Variants in ARMC2 observed in about 807,000 individuals in gnomAD.
The protein encoded by ARMC2 is armadillo repeat-containing protein 2.
A neutral mutation model predicts 90.3 loss-of-function variants in ARMC2; 67 were observed. The observed-to-expected ratio is 0.74, with a 90% CI of 0.61 to 0.91. The LOEUF (loss-of-function observed/expected upper bound fraction) is 0.91. Among genes scored for constraint, ARMC2 ranks in the 40% least tolerant of loss-of-function variants. The pLI, the probability that ARMC2 is intolerant of heterozygous loss-of-function variation, is 0.00. For synonymous variants in ARMC2, 393 were observed against 393.0 expected (o/e 1.00, Z 0.00); for missense variants, 920 against 1,030.9 (o/e 0.89, Z 1.47).
chr6:108,923,613 A>C (rs1583131662), intron 10 of ARMC2, among the ~76,000 whole-genome samples: 1 of 128,094 alleles, frequency 7.8e-6, no homozygotes, highest in Non-Finnish European at 1.7e-5. Context: ...TCTCCTCCCC[A>C]CACCCTTTTT....
chr6:109,028,553 A>G, the ARMC2 span, among the ~76,000 whole-genome samples: 1 of 152,196 alleles, frequency 6.6e-6, no homozygotes, highest in African/African-American at 2.4e-5. Context: ...TCTTTCTTCC[A>G]GAGACCAGTG....
At chr6:109,000,242 C>T in the ARMC2 span, 3 of 303,094 alleles carry the variant, frequency 9.9e-6, no homozygotes, top group Non-Finnish European at 1.8e-5. Flanking sequence ...AGGCATTTGT[C>T]AAAATGTGTA....
At chr6:108,992,775 T>C in the ARMC2 span, 63 of 1,528,974 alleles carry the variant, frequency 4.1e-5, no homozygotes, top group Non-Finnish European at 5.4e-5. Context: ...TGCATACAAG[T>C]TGCAATTTTA....
intron 4 of ARMC2, 120 bp downstream of exon 4, chr6:108,869,115 A>C: frequency 8.9e-7 from 1 of 1,121,324 alleles, no homozygotes; most frequent in Non-Finnish European, 1.2e-6. Flanking sequence ...AACTAAGATT[A>C]GTTAATATTG....
At chr6:108,995,736 A>G in the ARMC2 span, among the ~76,000 whole-genome samples, 2 of 152,162 alleles carry the variant, frequency 1.3e-5, no homozygotes, top group African/African-American at 4.8e-5. Flanking sequence ...GTGAGCTGTG[A>G]TTGTGCCACT....
At chr6:109,005,183 A>T in the ARMC2 span, among the ~76,000 whole-genome samples, 2 of 152,196 alleles carry the variant, frequency 1.3e-5, no homozygotes, top group Non-Finnish European at 2.9e-5. Flanking sequence ...TGTTCAATAG[A>T]AGGCTGTTTC....
chr6:109,008,477 CAA>C, the ARMC2 span, among the ~76,000 whole-genome samples: 1 of 152,176 alleles, frequency 6.6e-6, no homozygotes, highest in Non-Finnish European at 1.5e-5. Flanking sequence ...ACCTTCATGA[CAA>C]AGTGTCTTCA....
intron 13 of ARMC2, among the ~76,000 whole-genome samples, chr6:108,960,384 G>A (rs1197628070): frequency 6.6e-6 from 1 of 152,212 alleles, no homozygotes; most frequent in Non-Finnish European, 1.5e-5. Flanking sequence ...GGCCAGAAAT[G>A]TCAAGAGATG....
At chr6:108,875,825 T>C (rs1332538075) in intron 4 of ARMC2, among the ~76,000 whole-genome samples, 1 of 152,126 alleles carries the variant, frequency 6.6e-6, no homozygotes, top group Non-Finnish European at 1.5e-5. Flanking sequence ...GAGGAAGAGC[T>C]GCTGTTATGG....
At chr6:108,892,393 G>T (rs1771158876) in intron 5 of ARMC2, among the ~76,000 whole-genome samples, 1 of 152,012 alleles carries the variant, frequency 6.6e-6, no homozygotes, top group African/African-American at 2.4e-5. Flanking sequence ...ATATTAATTA[G>T]ACAATTTTTG....
chr6:108,875,197 T>A (rs1338362062), intron 4 of ARMC2, among the ~76,000 whole-genome samples: 1 of 152,182 alleles, frequency 6.6e-6, no homozygotes, highest in Non-Finnish European at 1.5e-5. Flanking sequence ...GGAAATGTTA[T>A]ATTATTATAT....
the ARMC2 span, among the ~76,000 whole-genome samples, chr6:108,979,575 C>A: frequency 2.8e-3 from 430 of 152,208 alleles, 4 homozygotes; most frequent in African/African-American, 9.8e-3. Flanking sequence ...TGGTTAATAT[C>A]CTGAAGAGTA....
chr6:108,985,999 A>T, the ARMC2 span, among the ~76,000 whole-genome samples: 1 of 152,072 alleles, frequency 6.6e-6, no homozygotes, highest in Non-Finnish European at 1.5e-5. Context: ...CCCAACCCCT[A>T]CTTCCACACT....
At chr6:108,981,430 T>C in the ARMC2 span, among the ~76,000 whole-genome samples, 13 of 152,198 alleles carry the variant, frequency 8.5e-5, no homozygotes, top group Non-Finnish European at 1.8e-4. Context: ...TAGAACTCTT[T>C]CATCTTGTAA....
chr6:108,952,763 C>T (rs1020739031), intron 12 of ARMC2, among the ~76,000 whole-genome samples: 3 of 152,144 alleles, frequency 2.0e-5, no homozygotes, highest in Non-Finnish European at 2.9e-5. Context: ...TAAAGAAAGG[C>T]GAGCCAGAAT....
At chr6:108,954,371 TC>T (rs1777414736) in intron 13 of ARMC2, among the ~76,000 whole-genome samples, 1 of 152,176 alleles carries the variant, frequency 6.6e-6, no homozygotes, top group African/African-American at 2.4e-5. Flanking sequence ...AGGCCTGTAA[TC>T]CCAGCACTTT....
intron 2 of ARMC2, among the ~76,000 whole-genome samples, chr6:108,857,850 A>G (rs1440413384): frequency 6.6e-6 from 1 of 152,172 alleles, no homozygotes; most frequent in East Asian, 1.9e-4. Flanking sequence ...CTTTTGTTCA[A>G]AATTCCTAAA....
the ARMC2 span, among the ~76,000 whole-genome samples, chr6:109,017,784 A>G: frequency 4.8e-4 from 73 of 152,340 alleles, no homozygotes; most frequent in Non-Finnish European, 8.8e-4. Flanking sequence ...AAACCTCTCT[A>G]GTTGTAATCC....
intron 10 of ARMC2, among the ~76,000 whole-genome samples, chr6:108,922,770 A>G (rs1774711148): frequency 6.6e-6 from 1 of 152,164 alleles, no homozygotes; most frequent in Admixed American, 6.5e-5. Flanking sequence ...ACCTGTTATG[A>G]TCAAATAATT....
Sources: allele counts gnomAD v4.1 joint callset (sites outside exome capture counted in the v4.1 genomes callset), GRCh38; gene constraint gnomAD v4.1.1; transcripts MANE v1.5; gene names NCBI Gene and HGNC (gene_info 2026-07-23, HGNC 2026-07-21).